ACSM2B: variants seen among roughly 807,000 people sequenced by gnomAD.
ACSM2B encodes acyl-CoA synthetase medium chain family member 2B, also known as acyl-coenzyme A synthetase ACSM2B, mitochondrial.
ACSM2B carries 58 observed loss-of-function variants against 78.6 expected under a neutral mutation model. The ratio of observed to expected loss-of-function variants is 0.74; its 90% CI spans 0.60 to 0.92. The LOEUF (loss-of-function observed/expected upper bound fraction) is 0.92. Ranked by LOEUF, ACSM2B falls within the 40% of genes least tolerant of loss-of-function variation. ACSM2B has a pLI of 0.00. For missense variants in ACSM2B, 688 were observed against 711.2 expected (o/e 0.97, Z 0.37); for synonymous variants, 257 against 256.8 (o/e 1.00, Z -0.01).
intron 5 of ACSM2B, among the ~76,000 whole-genome samples, chr16:20,553,515 CTTTT>C (rs2015379369): frequency 1.3e-5 from 2 of 152,206 alleles, no homozygotes; most frequent in Non-Finnish European, 2.9e-5. Flanking sequence ...GCACGTAAGC[CTTTT>C]GCTAATCATT....
intron 12 of ACSM2B, chr16:20,541,060 A>C (rs1371525695): frequency 4.3e-6 from 1 of 235,198 alleles, no homozygotes; most frequent in Non-Finnish European, 8.4e-6. Context: ...GGGGGAGAAA[A>C]GAGAAAAATA....
chr16:20,561,034 G>C (rs1341188149), intron 2 of ACSM2B, among the ~76,000 whole-genome samples: 2 of 152,058 alleles, frequency 1.3e-5, no homozygotes, highest in Non-Finnish European at 2.9e-5. Flanking sequence ...GAGCATTCAA[G>C]ATTTGACCTG....
At chr16:20,559,586 G>A in intron 2 of ACSM2B, 139 bp from the exon 3 acceptor site, 1 of 1,293,168 alleles carries the variant, frequency 7.7e-7, no homozygotes, top group Non-Finnish European at 1.0e-6. Flanking sequence ...AAAAAGTATT[G>A]AAAACCCTAA....
intron 1 of ACSM2B, among the ~76,000 whole-genome samples, chr16:20,568,713 T>C (rs2016006508): frequency 6.6e-6 from 1 of 151,808 alleles, no homozygotes; most frequent in Non-Finnish European, 1.5e-5. Flanking sequence ...TTTCACCACA[T>C]CCACACCAAC....
intron 1 of ACSM2B, among the ~76,000 whole-genome samples, chr16:20,573,795 A>T (rs1217595812): frequency 8.1e-4 from 123 of 152,114 alleles, no homozygotes; most frequent in African/African-American, 2.9e-3. Flanking sequence ...TAGGGATTTT[A>T]AAAGAGGAGA....
intron 5 of ACSM2B, among the ~76,000 whole-genome samples, chr16:20,553,132 T>A (rs1487561069): frequency 1.3e-5 from 2 of 152,232 alleles, no homozygotes; most frequent in East Asian, 3.8e-4. Context: ...GGCTCATAGA[T>A]GGAACATTTA....
intron 6 of ACSM2B, among the ~76,000 whole-genome samples, chr16:20,551,871 T>A (rs185488975): frequency 2.0e-5 from 3 of 152,184 alleles, no homozygotes; most frequent in Non-Finnish European, 4.4e-5. Flanking sequence ...GTGACACCAG[T>A]GGAAGAGCCC....
intron 6 of ACSM2B, 141 bp from the exon 7 acceptor site, chr16:20,548,614 G>C (rs2015214838): frequency 1.9e-6 from 3 of 1,547,678 alleles, no homozygotes; most frequent in Non-Finnish European, 2.6e-6. Context: ...TCTGATTCAA[G>C]TTAAATGAGC....
Position 20,553,681 on chromosome 16 carries a change from A to G in ACSM2B, c.740+96T>C, listed in dbSNP as rs373197952. 1.6e-3 allele frequency: 2,431 copies of G among 1,517,256 alleles called. 56 individuals are homozygous for G. The South Asian group carries it at 0.03, about 19-fold the overall frequency. 94.0% of individuals were successfully genotyped at this position (1,517,256 alleles called of 1,614,324 possible). A position where few individuals can be genotyped will look rare whatever the true frequency, so the allele number is the denominator to read the frequency against. On this transcript the variant is annotated intron_variant, in intron 5 of 13. Transcript: ENST00000329697. Reference sequence around the variant, plus strand: ...CTGAATTTTCTTTCTCAGAACCACAAGGTGGTGACACAGCCCAGGAGCATT... The same window carrying G: ...CTGAATTTTCTTTCTCAGAACCACAGGGTGGTGACACAGCCCAGGAGCATT...
chr16:20,540,668 T>G lies in ACSM2B; in HGVS notation c.1615A>C (p.Lys539Gln). The change falls in exon 13 of 14, where the codon AAG becomes CAG. Residue 539 changes from lysine to glutamine, a missense_variant. Transcript: ENST00000329697. ...QHVKSVTAPY[K>Q]YPRKIEFVLN... is the part of the protein sequence containing the mutation. ...AAAGGCCTTACCTTTCTTGGGTACT[T>G]GTATGGGGCTGTCACTGACTTCACA... is the stretch of plus-strand genomic sequence containing the variant. 1 of 1,613,984 alleles carries G rather than the reference T, an allele frequency of 6.2e-7. No homozygotes were observed. The highest frequency in any genetic ancestry group is 8.5e-7 in the Non-Finnish European group (1 of 1,179,936).
rs747629264 is a variant in ACSM2B at position 20,543,003 on chromosome 16, C to T, written c.1420G>A (p.Gly474Arg). The change falls in exon 12 of 14, where the codon GGA (glycine) becomes AGA (arginine). Residue 474 changes from glycine to arginine, a missense_variant. Coordinates refer to ENST00000329697, the MANE Select transcript of ACSM2B (RefSeq NM_001105069.2). ...DIINSSGYRIGPSEVENALMK... is the reference protein window; with the variant it reads ...DIINSSGYRIRPSEVENALMK... ...AGTGCATTCTCTACCTCCGAGGGTC[C>T]AATCCGGTACCTGCAGAAGAACCTG... is the stretch of plus-strand genomic sequence containing the variant. 1.2e-6 allele frequency: 2 copies of T among 1,613,622 alleles called. No homozygotes were observed. The highest frequency in any genetic ancestry group is 1.7e-6 in the Non-Finnish European group (2 of 1,179,856).
intron 5 of ACSM2B, among the ~76,000 whole-genome samples, 196 bp downstream of exon 5, chr16:20,553,581 G>A (rs913289150): frequency 1.3e-5 from 2 of 152,210 alleles, no homozygotes; most frequent in Non-Finnish European, 2.9e-5. Flanking sequence ...GAGACCCTGT[G>A]TTATCTAAAA....
At chr16:20,538,429 C>T (rs998974794) in intron 13 of ACSM2B, among the ~76,000 whole-genome samples, 4 of 152,198 alleles carry the variant, frequency 2.6e-5, no homozygotes, top group African/African-American at 9.6e-5. Flanking sequence ...ACATAGACCA[C>T]ATAGCCTACA....
intron 10 of ACSM2B, 90 bp downstream of exon 10, chr16:20,545,067 T>C: frequency 6.9e-7 from 1 of 1,454,572 alleles, no homozygotes; most frequent in Non-Finnish European, 9.3e-7. Context: ...CTAATGCCTC[T>C]TGGAAGTTTC....
chr16:20,555,908 A>T lies in ACSM2B; in HGVS notation c.389-432T>A, dbSNP rs201274034. Among the ~76,000 whole-genome samples, 35 of 152,170 alleles carry T rather than the reference A, an allele frequency of 2.3e-4. 1 individual carries two copies. The East Asian group carries it at 3.3e-3, about 14-fold the overall frequency. On this transcript the variant is annotated intron_variant, in intron 3 of 13. Transcript: ENST00000329697. Reference sequence around the variant, plus strand: ...CTCTAGGTCCTGGCAATTTATTTCAACCCTGGGACATTAAATGCATTTTTC... The same window carrying T: ...CTCTAGGTCCTGGCAATTTATTTCATCCCTGGGACATTAAATGCATTTTTC...
At chr16:20,547,350 G>C (rs948681784) in intron 8 of ACSM2B, 7 of 985,174 alleles carry the variant, frequency 7.1e-6, no homozygotes, top group African/African-American at 1.7e-5. Context: ...TCATACCACA[G>C]AGCTGCCATC....
chr16:20,563,000 T>C (rs2015710637), intron 2 of ACSM2B, among the ~76,000 whole-genome samples: 2 of 152,178 alleles, frequency 1.3e-5, no homozygotes, highest in African/African-American at 4.8e-5. Context: ...TATAATTCCA[T>C]TCCCAACCAA....
intron 6 of ACSM2B, among the ~76,000 whole-genome samples, chr16:20,550,342 A>G (rs1193413751): frequency 2.0e-5 from 3 of 152,152 alleles, no homozygotes; most frequent in African/African-American, 7.2e-5. Flanking sequence ...AAATGATCCC[A>G]TATTCCTTAT....
intron 7 of ACSM2B, 67 bp downstream of exon 7, chr16:20,548,327 T>C: frequency 6.2e-7 from 1 of 1,607,826 alleles, no homozygotes; most frequent in East Asian, 2.2e-5. Flanking sequence ...TAGATAGGCA[T>C]GAATGTATGT....
Sources: gnomAD v4.1 joint callset for allele counts (sites outside exome capture counted in the v4.1 genomes callset) on GRCh38, gnomAD v4.1.1 for gene constraint, MANE v1.5 for transcripts, NCBI Gene and HGNC (gene_info 2026-07-23, HGNC 2026-07-21) for gene names.